MNS1: variants seen among roughly 807,000 people sequenced by gnomAD.
MNS1 encodes meiosis-specific nuclear structural protein 1.
Under a neutral mutation model 72.0 loss-of-function variants are expected in MNS1, and 63 were observed. The observed-to-expected ratio is 0.87, with a 90% CI of 0.71 to 1.08. The LOEUF (loss-of-function observed/expected upper bound fraction) is 1.08. Among genes scored for constraint, MNS1 ranks in the 50% least tolerant of loss-of-function variants. MNS1 has a pLI of 0.00. For synonymous variants in MNS1, 188 were observed against 172.1 expected (o/e 1.09, Z -0.72); for missense variants, 604 against 562.4 (o/e 1.07, Z -0.75).
chr15:56,430,257 A>T (rs2050545413), intron 9 of MNS1: 1 of 152,300 alleles, frequency 6.6e-6, no homozygotes, highest in Non-Finnish European at 1.5e-5. Flanking sequence ...CCCAGGCTGG[A>T]GTGCAGTGGC....
intron 7 of MNS1, among the ~76,000 whole-genome samples, chr15:56,441,823 G>A (rs1276671230): frequency 6.6e-6 from 1 of 152,034 alleles, no homozygotes; most frequent in Non-Finnish European, 1.5e-5. Flanking sequence ...GACCATCCTG[G>A]CTAACACGGT....
chr15:56,452,189 A>G (rs1392400246), intron 3 of MNS1, among the ~76,000 whole-genome samples: 1 of 152,190 alleles, frequency 6.6e-6, no homozygotes, highest in Non-Finnish European at 1.5e-5. Context: ...GACTCAGCAT[A>G]TAGTTATACT....
intron 7 of MNS1, among the ~76,000 whole-genome samples, chr15:56,435,467 A>G (rs1160334097): frequency 6.6e-6 from 1 of 152,052 alleles, no homozygotes; most frequent in East Asian, 1.9e-4. Context: ...CAAATAACTA[A>G]TATCAGGAAT....
At position 56,444,534 on chromosome 15, in the gene MNS1, T is replaced by C. The variant is rs867909947; in HGVS notation, c.596A>G (p.Glu199Gly). Reference protein sequence around the residue: ...LDLEKQLEEQEKKKQEAYEQL... With the variant: ...LDLEKQLEEQGKKKQEAYEQL... Reference sequence around the variant, plus strand: ...CTCATAAGCTTCCTGCTTTTTTTTTTCTTGTTCTTCAAGTTGTTTCTCTAA... The same window carrying C: ...CTCATAAGCTTCCTGCTTTTTTTTTCCTTGTTCTTCAAGTTGTTTCTCTAA... Residue 199 changes from glutamate to glycine, a missense_variant, in exon 5 of 10, where the codon GAA becomes GGA. By Grantham distance (98) the Glu-to-Gly change is moderately conservative. Coordinates refer to ENST00000260453, the MANE Select transcript of MNS1 (RefSeq NM_018365.4). 1 of 1,612,714 alleles carries C rather than the reference T, an allele frequency of 6.2e-7. No individual in the cohort carries two copies. The highest frequency in any genetic ancestry group is 2.2e-5 in the East Asian group (1 of 44,812).
intron 3 of MNS1, among the ~76,000 whole-genome samples, chr15:56,452,634 T>G (rs1458622091): frequency 6.6e-6 from 1 of 151,818 alleles, no homozygotes; most frequent in East Asian, 1.9e-4. Flanking sequence ...TTATCCTGCC[T>G]CAGCCTCCCA....
intron 4 of MNS1, 50 bp downstream of exon 4, chr15:56,446,791 T>A (rs1417699775): frequency 1.7e-5 from 23 of 1,386,912 alleles, no homozygotes; most frequent in Non-Finnish European, 2.0e-5. Context: ...CAAGTCTAAT[T>A]TTTATTTTCT....
intron 4 of MNS1, among the ~76,000 whole-genome samples, chr15:56,445,168 G>A (rs2050886154): frequency 6.6e-6 from 1 of 151,922 alleles, no homozygotes; most frequent in South Asian, 2.1e-4. Context: ...TCCTGCCATT[G>A]GCCCTTGACG....
chr15:56,451,965 A>G (rs2050950519), intron 3 of MNS1, among the ~76,000 whole-genome samples: 2 of 152,182 alleles, frequency 1.3e-5, no homozygotes, highest in Admixed American at 1.3e-4. Context: ...AAATCTGTTG[A>G]TATTTTTATT....
chr15:56,442,704 C>A (rs2050839427), intron 7 of MNS1, among the ~76,000 whole-genome samples: 1 of 151,992 alleles, frequency 6.6e-6, no homozygotes, highest in African/African-American at 2.4e-5. Context: ...CACGTGGACA[C>A]AAAGAAGGAA....
intron 8 of MNS1, among the ~76,000 whole-genome samples, chr15:56,432,560 C>G (rs1391261384): frequency 3.9e-5 from 6 of 152,172 alleles, no homozygotes; most frequent in Admixed American, 3.9e-4. Context: ...ACTAAGCCGA[C>G]AGCTTCATAT....
At chr15:56,439,655 C>T (rs1442173737) in intron 7 of MNS1, among the ~76,000 whole-genome samples, 1 of 151,568 alleles carries the variant, frequency 6.6e-6, no homozygotes, top group Non-Finnish European at 1.5e-5. Context: ...AACAACTGAA[C>T]TAAATCCAAT....
At chr15:56,444,304 A>G in intron 5 of MNS1, 140 bp downstream of exon 5, 2 of 660,698 alleles carry the variant, frequency 3.0e-6, no homozygotes, top group South Asian at 2.1e-5. Context: ...GTTGGTCCCA[A>G]TTTATGTTTT....
chr15:56,444,741 C>T, intron 4 of MNS1, 68 bp from the exon 5 acceptor site: 1 of 1,254,462 alleles, frequency 8.0e-7, no homozygotes, highest in Non-Finnish European at 1.1e-6. Context: ...ATATTTTACA[C>T]CAATGTTATT....
At chr15:56,459,198 T>C (rs1462281487) in intron 2 of MNS1, among the ~76,000 whole-genome samples, 3 of 152,252 alleles carry the variant, frequency 2.0e-5, no homozygotes, top group Admixed American at 1.3e-4. Flanking sequence ...TTCATATAAA[T>C]GAATTCACAC....
chr15:56,444,581 C>T lies in MNS1; in HGVS notation c.549G>A (p.Ala183=), dbSNP rs201457984. Reference sequence around the variant, plus strand: ...CTAAGTCAAGATAGTACTGTGCTTTCGCTTTGTTTCGTTTGTCTTCTGCAG... The same window carrying T: ...CTAAGTCAAGATAGTACTGTGCTTTTGCTTTGTTTCGTTTGTCTTCTGCAG... ...ENAAEDKRNK[A]KAQYYLDLEK... Residue 183 remains alanine (A), a synonymous_variant, in exon 5 of 10, where the codon GCG becomes GCA. Transcript: ENST00000260453. The T allele has an allele frequency of 6.6e-5, 107 of 1,612,646 alleles. 1 individual carries two copies. In the South Asian group the frequency reaches 1.1e-3, roughly 16 times the overall value.
chr15:56,452,622 G>A (rs1468139012), intron 3 of MNS1, among the ~76,000 whole-genome samples: 6 of 151,290 alleles, frequency 4.0e-5, no homozygotes, highest in South Asian at 2.1e-4. Context: ...AGGTTCAAGC[G>A]ATTATCCTGC....
At chr15:56,459,695 A>G (rs1434989384) in intron 2 of MNS1, among the ~76,000 whole-genome samples, 1 of 152,010 alleles carries the variant, frequency 6.6e-6, no homozygotes, top group African/African-American at 2.4e-5. Flanking sequence ...GAGAAGAAAC[A>G]ATGACTGGCT....
intron 7 of MNS1, among the ~76,000 whole-genome samples, chr15:56,434,959 T>C (rs2050695042): frequency 6.6e-6 from 1 of 152,122 alleles, no homozygotes; most frequent in Non-Finnish European, 1.5e-5. Flanking sequence ...GTTAAGTCCT[T>C]TCCTATAAGC....
rs116720538 is a variant in MNS1 at position 56,438,347 on chromosome 15, A to G, written c.1012-3952T>C. On this transcript the variant is annotated intron_variant, in intron 7 of 9. Coordinates refer to ENST00000260453, the MANE Select transcript of MNS1 (RefSeq NM_018365.4). ...ACCATCTGCTCTTTTTTTTTGTTAC[A>G]AAAAAGACAGGTTTGTTACAAACCT... is the stretch of plus-strand genomic sequence containing the variant. Among the ~76,000 whole-genome samples the G allele has an allele frequency of 4.1e-3, 627 of 152,186 alleles. 4 individuals are homozygous for G. The highest frequency in any genetic ancestry group is 0.014 in the African/African-American group (579 of 41,536).
Sources: allele counts gnomAD v4.1 joint callset (sites outside exome capture counted in the v4.1 genomes callset), GRCh38; gene constraint gnomAD v4.1.1; transcripts MANE v1.5; gene names NCBI Gene and HGNC (gene_info 2026-07-23, HGNC 2026-07-21).